Variants in VWC2L observed in about 807,000 individuals in gnomAD.
VWC2L encodes the protein von Willebrand factor C domain containing 2 like, also known as von Willebrand factor C domain-containing protein 2-like.
In VWC2L, 10 loss-of-function variants were observed where a neutral mutation model predicts 21.6. The observed-to-expected ratio is 0.46, with a 90% CI of 0.29 to 0.78. The LOEUF (loss-of-function observed/expected upper bound fraction) is 0.78, where lower values mean the gene tolerates loss of function less well. VWC2L is among the 30% of genes least tolerant of loss of function. The pLI is 0.10. For missense variants in VWC2L, 209 were observed against 277.1 expected (o/e 0.75, Z 1.74); for synonymous variants, 96 against 94.3 (o/e 1.02, Z -0.10).
chr2:214,556,892 T>C (rs1368610858), intron 3 of VWC2L, among the ~76,000 whole-genome samples: 2 of 152,132 alleles, frequency 1.3e-5, no homozygotes, highest in Non-Finnish European at 2.9e-5. Flanking sequence ...AAGCCTAAAT[T>C]ATAGCTAACA....
chr2:214,541,879 T>G (rs1294759884), intron 3 of VWC2L, among the ~76,000 whole-genome samples: 1 of 151,612 alleles, frequency 6.6e-6, no homozygotes, highest in South Asian at 2.1e-4. Context: ...TAGATAGCAT[T>G]AGAGTTCTGG....
At chr2:214,504,173 C>A (rs1038874870) in intron 3 of VWC2L, among the ~76,000 whole-genome samples, 1 of 152,130 alleles carries the variant, frequency 6.6e-6, no homozygotes, top group Admixed American at 6.5e-5. Context: ...TAGAAAGGTT[C>A]TTTACTGATC....
intron 3 of VWC2L, among the ~76,000 whole-genome samples, chr2:214,494,196 G>GTA (rs1419470680): frequency 6.6e-6 from 1 of 152,108 alleles, no homozygotes; most frequent in African/African-American, 2.4e-5. Context: ...AGGAAACACT[G>GTA]TAAATTGCTT....
At chr2:214,472,266 A>G (rs1270409858) in intron 3 of VWC2L, 1 of 152,220 alleles carries the variant, frequency 6.6e-6, no homozygotes. Flanking sequence ...AAGGAGATAG[A>G]TATCATTAGA....
At chr2:214,510,734 T>C (rs1296584206) in intron 3 of VWC2L, among the ~76,000 whole-genome samples, 1 of 152,198 alleles carries the variant, frequency 6.6e-6, no homozygotes, top group Non-Finnish European at 1.5e-5. Flanking sequence ...GTGTATTGCC[T>C]GGCACTTATT....
In VWC2L at chr2:214,415,589, C is replaced by A. The variant is rs139497524; in HGVS notation, c.390+1006C>A. Among the ~76,000 whole-genome samples, 84 of 152,152 alleles carry A rather than the reference C, an allele frequency of 5.5e-4. 1 individual carries two copies. In the East Asian group the frequency reaches 0.014, roughly 25 times the overall value. Reference sequence around the variant, plus strand: ...TTAGCACTGACCCAACTTCTCTCACCACAAGGGTCAAATGGTGCCAGAAAT... The same window carrying A: ...TTAGCACTGACCCAACTTCTCTCACAACAAGGGTCAAATGGTGCCAGAAAT... On this transcript the variant is annotated intron_variant, in intron 2 of 3. Coordinates refer to ENST00000312504, the MANE Select transcript of VWC2L (RefSeq NM_001080500.4).
At chr2:214,429,982 C>A (rs1039117098) in intron 2 of VWC2L, among the ~76,000 whole-genome samples, 2 of 152,032 alleles carry the variant, frequency 1.3e-5, no homozygotes, top group Non-Finnish European at 2.9e-5. Context: ...TGCCACCACG[C>A]CTGGCTAATT....
intron 3 of VWC2L, among the ~76,000 whole-genome samples, chr2:214,491,087 G>T (rs968836370): frequency 2.3e-4 from 35 of 152,134 alleles, no homozygotes; most frequent in African/African-American, 8.5e-4. Context: ...TAAGGGTTCT[G>T]CAAGCAGATA....
intron 3 of VWC2L, among the ~76,000 whole-genome samples, chr2:214,524,510 T>C (rs1326486007): frequency 6.6e-6 from 1 of 152,218 alleles, no homozygotes; most frequent in Non-Finnish European, 1.5e-5. Flanking sequence ...CTGACCTTTA[T>C]GGGCAATACA....
intron 3 of VWC2L, among the ~76,000 whole-genome samples, chr2:214,568,304 G>T (rs1690099594): frequency 6.6e-6 from 1 of 152,046 alleles, no homozygotes; most frequent in Admixed American, 6.6e-5. Flanking sequence ...TGTGCATTTT[G>T]CCTGATTTAC....
chr2:214,519,362 T>G (rs1201093044), intron 3 of VWC2L, among the ~76,000 whole-genome samples: 1 of 152,164 alleles, frequency 6.6e-6, no homozygotes, highest in East Asian at 1.9e-4. Flanking sequence ...TTGAGAAGAA[T>G]GCAAGAGAGC....
intron 3 of VWC2L, among the ~76,000 whole-genome samples, chr2:214,571,369 A>G (rs563122159): frequency 4.1e-4 from 62 of 152,306 alleles, no homozygotes; most frequent in Non-Finnish European, 7.8e-4. Flanking sequence ...AGATAAGAAC[A>G]TGCACTTTTT....
intron 3 of VWC2L, among the ~76,000 whole-genome samples, chr2:214,573,580 A>G (rs1690184211): frequency 6.6e-6 from 1 of 152,138 alleles, no homozygotes; most frequent in Non-Finnish European, 1.5e-5. Context: ...TTGGCCTAGA[A>G]CTGGCTGGGC....
chr2:214,470,801 T>C (rs1006172404), intron 3 of VWC2L, among the ~76,000 whole-genome samples: 18 of 150,724 alleles, frequency 1.2e-4, no homozygotes, highest in Admixed American at 1.1e-3. Context: ...TAATCCCAGC[T>C]ATTCAGGAGG....
At chr2:214,422,177 C>T (rs562474294) in intron 2 of VWC2L, among the ~76,000 whole-genome samples, 54 of 152,154 alleles carry the variant, frequency 3.5e-4, no homozygotes, top group African/African-American at 1.1e-3. Flanking sequence ...CGTGAGCCAC[C>T]GCGCCCGGCC....
intron 3 of VWC2L, among the ~76,000 whole-genome samples, chr2:214,564,106 A>G (rs913371709): frequency 6.6e-6 from 1 of 152,186 alleles, no homozygotes; most frequent in African/African-American, 2.4e-5. Flanking sequence ...AAATACAGCT[A>G]ACAAGGGAAG....
intron 3 of VWC2L, among the ~76,000 whole-genome samples, chr2:214,450,384 A>G (rs1226787968): frequency 1.3e-5 from 2 of 152,216 alleles, no homozygotes; most frequent in African/African-American, 2.4e-5. Flanking sequence ...CTTCTAGCCT[A>G]TCACAGTATG....
chr2:214,575,905 C>A lies in VWC2L; in HGVS notation c.*85C>A. On this transcript the variant is annotated 3_prime_UTR_variant, in exon 4 of 4. Coordinates refer to ENST00000312504, the MANE Select transcript of VWC2L (RefSeq NM_001080500.4). Reference sequence around the variant, plus strand: ...CATGTTTAACACAAAACAAAACAAACAAACTCCTGCCAGCTACAACAGGGT... The same window carrying A: ...CATGTTTAACACAAAACAAAACAAAAAAACTCCTGCCAGCTACAACAGGGT... 6.9e-7 allele frequency: 1 copy of A among 1,447,926 alleles called. No homozygotes were observed. The highest frequency in any genetic ancestry group is 1.4e-5 in the African/African-American group (1 of 70,836). 89.7% of individuals were successfully genotyped at this position (1,447,926 alleles called of 1,614,324 possible).
chr2:214,536,229 C>G (rs568409599), intron 3 of VWC2L, among the ~76,000 whole-genome samples: 1 of 152,174 alleles, frequency 6.6e-6, no homozygotes, highest in South Asian at 2.1e-4. Context: ...TGCTGAATGC[C>G]TACCACAGGT....
Sources: gnomAD v4.1 joint callset for allele counts (sites outside exome capture counted in the v4.1 genomes callset) on GRCh38, gnomAD v4.1.1 for gene constraint, MANE v1.5 for transcripts, NCBI Gene and HGNC (gene_info 2026-07-23, HGNC 2026-07-21) for gene names.